IL1RAPL2: variants seen among roughly 807,000 people sequenced by gnomAD.
IL1RAPL2 encodes the protein X-linked interleukin-1 receptor accessory protein-like 2.
IL1RAPL2 carries 3 observed loss-of-function variants against 44.1 expected under a neutral mutation model. The observed-to-expected ratio is 0.07, with a 90% confidence interval of 0.03 to 0.18. The LOEUF is 0.18. IL1RAPL2 is among the 10% of genes least tolerant of loss of function. IL1RAPL2 has a pLI of 1.00. For synonymous variants in IL1RAPL2, 181 were observed against 178.8 expected (o/e 1.01, Z -0.10); for missense variants, 391 against 496.4 (o/e 0.79, Z 2.02).
intron 2 of IL1RAPL2, among the ~76,000 whole-genome samples, chrX:104,988,110 G>A (rs1167267786): frequency 8.9e-6 from 1 of 112,007 alleles, no homozygotes; most frequent in East Asian, 2.8e-4. Flanking sequence ...GGCTTTACTG[G>A]TTTTCTTCTG....
At chrX:105,067,271 C>A (rs934222905) in intron 2 of IL1RAPL2, among the ~76,000 whole-genome samples, 2 of 110,829 alleles carry the variant, frequency 1.8e-5, no homozygotes, top group African/African-American at 6.6e-5. Context: ...CACATGAATA[C>A]ACATACAGAG....
chrX:105,590,849 TTGTG>T (rs1305927303), intron 6 of IL1RAPL2, among the ~76,000 whole-genome samples: 2 of 80,814 alleles, frequency 2.5e-5, no homozygotes, highest in Non-Finnish European at 4.7e-5. Flanking sequence ...GTGTGTGTGT[TTGTG>T]TGTGTTTGTG....
intron 5 of IL1RAPL2, among the ~76,000 whole-genome samples, chrX:105,398,817 C>T (rs1256272137): frequency 8.9e-6 from 1 of 111,768 alleles, no homozygotes; most frequent in Non-Finnish European, 1.9e-5. Context: ...TTATAAGGAG[C>T]ATGTTAATCT....
intron 2 of IL1RAPL2, among the ~76,000 whole-genome samples, chrX:104,740,724 T>A (rs1474170788): frequency 9.0e-6 from 1 of 111,519 alleles, no homozygotes; most frequent in Non-Finnish European, 1.9e-5. Flanking sequence ...ATAATTTGAT[T>A]TTTTTTATAT....
intron 2 of IL1RAPL2, among the ~76,000 whole-genome samples, chrX:104,976,881 A>G (rs2030346478): frequency 1.3e-5 from 1 of 76,384 alleles, no homozygotes; most frequent in Admixed American, 1.7e-4. Context: ...GACTTAAACA[A>G]TTGCCAAAGG....
At chrX:104,703,895 T>C (rs1931321007) in intron 2 of IL1RAPL2, among the ~76,000 whole-genome samples, 1 of 112,178 alleles carries the variant, frequency 8.9e-6, no homozygotes, top group Non-Finnish European at 1.9e-5. Context: ...GTCAATCTCA[T>C]GAGAAGAAAA....
chrX:105,600,730 T>G (rs2037246067), intron 6 of IL1RAPL2, among the ~76,000 whole-genome samples: 2 of 110,206 alleles, frequency 1.8e-5, no homozygotes, highest in Admixed American at 9.7e-5. Flanking sequence ...TATAGGTATA[T>G]CTACACATAG....
intron 6 of IL1RAPL2, among the ~76,000 whole-genome samples, chrX:105,557,359 T>A (rs1847334995): frequency 9.0e-6 from 1 of 111,629 alleles, no homozygotes; most frequent in South Asian, 3.7e-4. Context: ...GTGTGGAGAA[T>A]CTAAAAGAAG....
At chrX:104,727,712 A>G (rs1436556176) in intron 2 of IL1RAPL2, among the ~76,000 whole-genome samples, 1 of 111,825 alleles carries the variant, frequency 8.9e-6, no homozygotes, top group Non-Finnish European at 1.9e-5. Flanking sequence ...GATTGGATAA[A>G]GAAAATTTGG....
intron 2 of IL1RAPL2, among the ~76,000 whole-genome samples, chrX:105,174,244 A>G (rs1330627750): frequency 9.0e-6 from 1 of 111,100 alleles, no homozygotes; most frequent in Non-Finnish European, 1.9e-5. Context: ...ATCCTTTCAT[A>G]ACCCATTCCC....
At chrX:104,867,045 C>G (rs966493818) in intron 2 of IL1RAPL2, among the ~76,000 whole-genome samples, 2 of 108,987 alleles carry the variant, frequency 1.8e-5, no homozygotes, top group African/African-American at 6.7e-5. Flanking sequence ...TGCATCCTGG[C>G]TAACATGGTG....
chrX:105,379,534 A>G (rs754068218), intron 5 of IL1RAPL2, among the ~76,000 whole-genome samples: 3 of 111,779 alleles, frequency 2.7e-5, no homozygotes, highest in Admixed American at 1.9e-4. Flanking sequence ...TTACATTTGT[A>G]TAATGGTTAA....
chrX:105,475,371 T>A (rs931139412), intron 5 of IL1RAPL2, among the ~76,000 whole-genome samples: 5 of 111,193 alleles, frequency 4.5e-5, no homozygotes, highest in African/African-American at 1.6e-4. Flanking sequence ...TTTTTAGACA[T>A]CACTATCTAG....
At chrX:105,536,237 G>A (rs5916919) in intron 6 of IL1RAPL2, among the ~76,000 whole-genome samples, 50,305 of 108,772 alleles carry the variant, frequency 0.46, 8,720 homozygotes, top group African/African-American at 0.56. Context: ...AGAAAGAATG[G>A]CATTCTGTAC....
intron 2 of IL1RAPL2, among the ~76,000 whole-genome samples, chrX:105,074,540 A>G (rs1404655918): frequency 1.8e-5 from 2 of 109,501 alleles, no homozygotes; most frequent in African/African-American, 6.7e-5. Flanking sequence ...TTTTGGTTCC[A>G]TATGAACTTT....
chrX:104,684,081 T>C lies in IL1RAPL2; in HGVS notation c.82+25086T>C, dbSNP rs192128493. On this transcript the variant is annotated intron_variant, in intron 2 of 10. Coordinates refer to ENST00000372582, the MANE Select transcript of IL1RAPL2 (RefSeq NM_017416.2). ...GATTGTTTACTATAAGAAGCACGAT[T>C]AGTGCTCCTAATAGGCTGACAGGAA... 2.8e-3 allele frequency among the ~76,000 whole-genome samples: 312 copies of C among 111,902 alleles called. 1 individual carries two copies. Among genetic ancestry groups the C allele is most frequent in the Admixed American group, 6.9e-3 (73 of 10,555 alleles).
At chrX:105,363,218 G>T (rs1339107986) in intron 5 of IL1RAPL2, among the ~76,000 whole-genome samples, 1 of 98,422 alleles carries the variant, frequency 1.0e-5, no homozygotes, top group Non-Finnish European at 2.0e-5. Context: ...AGGCTGTATA[G>T]TATTGCATTA....
At chrX:105,690,496 C>T (rs1050127814) in intron 6 of IL1RAPL2, among the ~76,000 whole-genome samples, 12 of 111,533 alleles carry the variant, frequency 1.1e-4, no homozygotes, top group African/African-American at 3.9e-4. Flanking sequence ...AAAATCTACA[C>T]TTCTACTTAA....
rs782759348 is a variant in IL1RAPL2 at position 105,201,676 on chromosome X, A to G, written c.356+5928A>G. ...GGCTCTTAGCACCTTCCACTCTCCTACCCTACTTCCCATCGCGGTTACCTA... is the reference window on the plus strand; with the variant it reads ...GGCTCTTAGCACCTTCCACTCTCCTGCCCTACTTCCCATCGCGGTTACCTA... On this transcript the variant is annotated intron_variant, in intron 3 of 10. Coordinates refer to ENST00000372582, the MANE Select transcript of IL1RAPL2 (RefSeq NM_017416.2). 4.7e-3 allele frequency among the ~76,000 whole-genome samples: 522 copies of G among 111,512 alleles called. 6 individuals carry two copies. Among genetic ancestry groups the G allele is most frequent in the African/African-American group, 0.016 (479 of 30,718 alleles).
Sources: gnomAD v4.1 joint callset for allele counts (sites outside exome capture counted in the v4.1 genomes callset) on GRCh38, gnomAD v4.1.1 for gene constraint, MANE v1.5 for transcripts, NCBI Gene and HGNC (gene_info 2026-07-23, HGNC 2026-07-21) for gene names.